Variants in RERE observed in about 807,000 individuals in gnomAD.
RERE encodes arginine-glutamic acid dipeptide repeats protein.
RERE carries 40 observed loss-of-function variants against 146.1 expected under a neutral mutation model. The ratio of observed to expected loss-of-function variants is 0.27; its 90% CI spans 0.21 to 0.36. The LOEUF (loss-of-function observed/expected upper bound fraction) is 0.36. RERE is among the 10% of genes least tolerant of loss of function. The pLI, the probability that RERE is intolerant of heterozygous loss-of-function variation, is 1.00. For missense variants in RERE, 1,933 were observed against 2,138.7 expected (o/e 0.90, Z 1.90); for synonymous variants, 1,003 against 866.0 (o/e 1.16, Z -2.78).
At chr1:8,526,800 T>C (rs1185848800) in intron 7 of RERE, among the ~76,000 whole-genome samples, 2 of 152,140 alleles carry the variant, frequency 1.3e-5, no homozygotes, top group South Asian at 2.1e-4. Context: ...AAAATCTCAT[T>C]TGAGGTCCTG....
At chr1:8,647,635 A>ATATG (rs1304477796) in intron 2 of RERE, among the ~76,000 whole-genome samples, 1 of 60,534 alleles carries the variant, frequency 1.7e-5, no homozygotes, top group Non-Finnish European at 3.4e-5. Flanking sequence ...TCTATTTAAA[A>ATATG]TATGTATGTG....
chr1:8,471,202 T>C (rs1644679533), intron 10 of RERE, among the ~76,000 whole-genome samples: 1 of 152,148 alleles, frequency 6.6e-6, no homozygotes, highest in Admixed American at 6.5e-5. Flanking sequence ...CTTTACAACA[T>C]TTGGGGAAAA....
chr1:8,436,779 T>C (rs1644175645), intron 11 of RERE, among the ~76,000 whole-genome samples: 1 of 152,072 alleles, frequency 6.6e-6, no homozygotes, highest in Non-Finnish European at 1.5e-5. Flanking sequence ...AATATAAAAG[T>C]TAGTAATGAA....
chr1:8,583,391 CAG>C (rs1214552771), intron 4 of RERE, among the ~76,000 whole-genome samples: 2 of 152,126 alleles, frequency 1.3e-5, no homozygotes, highest in Non-Finnish European at 2.9e-5. Flanking sequence ...CGAGAGAAAA[CAG>C]AATCAATCAA....
chr1:8,771,648 C>T (rs776940700), intron 1 of RERE, among the ~76,000 whole-genome samples: 12 of 151,858 alleles, frequency 7.9e-5, no homozygotes, highest in African/African-American at 1.2e-4. Flanking sequence ...TGGTGGCTCA[C>T]GCCTGTAATC....
chr1:8,522,844 G>A (rs2124345492), intron 7 of RERE, among the ~76,000 whole-genome samples: 1 of 150,432 alleles, frequency 6.6e-6, no homozygotes, highest in East Asian at 2.0e-4. Flanking sequence ...TCATACTCCA[G>A]CCTGGGCAAC....
At chr1:8,653,511 C>T (rs954408521) in intron 2 of RERE, among the ~76,000 whole-genome samples, 2 of 151,896 alleles carry the variant, frequency 1.3e-5, no homozygotes, top group South Asian at 2.1e-4. Flanking sequence ...ATCGAGACCA[C>T]GGTGAAACCC....
intron 7 of RERE, among the ~76,000 whole-genome samples, chr1:8,515,094 C>T (rs529506606): frequency 1.8e-4 from 27 of 152,314 alleles, no homozygotes; most frequent in East Asian, 1.7e-3. Context: ...CACAGCACTA[C>T]ACGTGGTGGT....
At chr1:8,664,235 T>C (rs1030756275) in intron 1 of RERE, among the ~76,000 whole-genome samples, 3 of 152,204 alleles carry the variant, frequency 2.0e-5, no homozygotes, top group Admixed American at 1.3e-4. Context: ...CACACCCTCC[T>C]GGAAGGCCTC....
At chr1:8,465,336 T>G (rs1377823950) in intron 11 of RERE, 1 of 174,966 alleles carries the variant, frequency 5.7e-6, no homozygotes, top group Non-Finnish European at 1.3e-5. Context: ...AACTCTCTGC[T>G]TCCCGCTTGT....
At chr1:8,651,969 C>T (rs1216808718) in intron 2 of RERE, among the ~76,000 whole-genome samples, 1 of 152,146 alleles carries the variant, frequency 6.6e-6, no homozygotes, top group Non-Finnish European at 1.5e-5. Context: ...GTGTGAGCCA[C>T]CTTGCCCAGC....
At chr1:8,690,330 C>T (rs879562606) in intron 1 of RERE, among the ~76,000 whole-genome samples, 1 of 152,158 alleles carries the variant, frequency 6.6e-6, no homozygotes, top group Non-Finnish European at 1.5e-5. Context: ...GGAGCCCCAC[C>T]CTCAGGATCT....
chr1:8,397,659 C>G (rs1643101457), intron 12 of RERE, among the ~76,000 whole-genome samples: 1 of 151,998 alleles, frequency 6.6e-6, no homozygotes, highest in Non-Finnish European at 1.5e-5. Context: ...GTTTTATTTC[C>G]TGCTGGCTTC....
chr1:8,628,382 A>C (rs1646998856), intron 2 of RERE, among the ~76,000 whole-genome samples: 1 of 152,236 alleles, frequency 6.6e-6, no homozygotes, highest in South Asian at 2.1e-4. Flanking sequence ...CACTATGTAA[A>C]ACTTGCCATA....
chr1:8,794,803 T>G (rs939961245), intron 1 of RERE, among the ~76,000 whole-genome samples: 1 of 151,874 alleles, frequency 6.6e-6, no homozygotes, highest in Non-Finnish European at 1.5e-5. Flanking sequence ...TCCTAGCTAC[T>G]GCCAGAAGGT....
At chr1:8,502,536 A>G (rs1645186247) in intron 8 of RERE, among the ~76,000 whole-genome samples, 2 of 137,272 alleles carry the variant, frequency 1.5e-5, no homozygotes, top group Admixed American at 7.1e-5. Flanking sequence ...GGCCGCCCCT[A>G]CTGGGAAGTG....
At chr1:8,608,911 T>C (rs1360020554) in intron 4 of RERE, among the ~76,000 whole-genome samples, 2 of 152,036 alleles carry the variant, frequency 1.3e-5, no homozygotes, top group African/African-American at 4.8e-5. Context: ...GGTGAAACCC[T>C]GTCTCTACTA....
chr1:8,400,586 A>G (rs934781273), intron 12 of RERE, among the ~76,000 whole-genome samples: 1 of 152,066 alleles, frequency 6.6e-6, no homozygotes, highest in Admixed American at 6.5e-5. Context: ...ACACACATAT[A>G]TAGGGTCTTT....
At chr1:8,802,834 C>T (rs1199451020) in intron 1 of RERE, among the ~76,000 whole-genome samples, 3 of 151,942 alleles carry the variant, frequency 2.0e-5, no homozygotes, top group African/African-American at 7.3e-5. Flanking sequence ...TAAAAAAAAA[C>T]AGGCTTTTAG....
Sources: allele counts gnomAD v4.1 joint callset (sites outside exome capture counted in the v4.1 genomes callset), GRCh38; gene constraint gnomAD v4.1.1; transcripts MANE v1.5; gene names NCBI Gene and HGNC (gene_info 2026-07-23, HGNC 2026-07-21).